Variants in ROBO1 observed in about 807,000 individuals in gnomAD.
ROBO1 encodes roundabout guidance receptor 1.
Under a neutral mutation model 195.9 loss-of-function variants are expected in ROBO1, and 149 were observed. That is an observed-to-expected ratio of 0.76 (90% confidence interval 0.67 to 0.87). The LOEUF is 0.87. ROBO1 is among the 40% of genes least tolerant of loss of function. The pLI, the probability that ROBO1 is intolerant of heterozygous loss-of-function variation, is 0.00. For synonymous variants in ROBO1, 816 were observed against 733.2 expected, an observed-to-expected ratio of 1.11 and a Z score of -1.82; for missense variants, 1,933 against 2,068.3, an observed-to-expected ratio of 0.93 and a Z score of 1.27.
chr3:79,341,189 G>T (rs2109224012), intron 2 of ROBO1, among the ~76,000 whole-genome samples: 1 of 152,258 alleles, frequency 6.6e-6, no homozygotes, highest in Middle Eastern at 3.4e-3. Context: ...TATGCTTATA[G>T]CATGTCATTC....
Position 79,318,691 on chromosome 3 carries a change from G to A in ROBO1, c.89-193152C>T, listed in dbSNP as rs368175653. Among the ~76,000 whole-genome samples the A allele has an allele frequency of 2.6e-4, 39 of 152,248 alleles. 1 individual carries two copies. The East Asian group carries it at 3.5e-3, about 14-fold the overall frequency. ...TATGTTTTTCAACCACAATAGCGAT[G>A]CATTTCATTGTTTTATCTAGGGTCA... On this transcript the variant is annotated intron_variant, in intron 2 of 30. Coordinates refer to ENST00000464233, the MANE Select transcript of ROBO1 (RefSeq NM_002941.4).
At chr3:78,878,238 T>A (rs2035967279) in intron 4 of ROBO1, among the ~76,000 whole-genome samples, 2 of 152,014 alleles carry the variant, frequency 1.3e-5, no homozygotes, top group Non-Finnish European at 2.9e-5. Flanking sequence ...AAAACTCCAA[T>A]GTCTAAATGC....
chr3:79,477,326 A>T (rs890676673), intron 2 of ROBO1, among the ~76,000 whole-genome samples: 1 of 152,182 alleles, frequency 6.6e-6, no homozygotes, highest in African/African-American at 2.4e-5. Flanking sequence ...ACTTAAAAGT[A>T]TCTAAACATC....
At chr3:78,653,223 GTTCCCTGCCTCCC>G (rs1215242044) in intron 18 of ROBO1, among the ~76,000 whole-genome samples, 1 of 152,004 alleles carries the variant, frequency 6.6e-6, no homozygotes, top group East Asian at 1.9e-4. Context: ...CCTCCCTCCA[GTTCCCTGCCTCCC>G]TCCAGTTCCT....
chr3:79,355,006 G>A (rs1175518835), intron 2 of ROBO1, among the ~76,000 whole-genome samples: 1 of 151,828 alleles, frequency 6.6e-6, no homozygotes, highest in East Asian at 1.9e-4. Flanking sequence ...CGTCTACTAA[G>A]GATACAAAAA....
intron 2 of ROBO1, among the ~76,000 whole-genome samples, chr3:79,352,241 CA>C (rs749468779): frequency 6.6e-6 from 1 of 152,122 alleles, no homozygotes; most frequent in Non-Finnish European, 1.5e-5. Context: ...AATGTCTTGG[CA>C]AATATATTTG....
intron 4 of ROBO1, among the ~76,000 whole-genome samples, chr3:78,809,893 C>A (rs545432478): frequency 1.3e-5 from 2 of 151,256 alleles, no homozygotes; most frequent in Non-Finnish European, 1.5e-5. Flanking sequence ...ATGTAGATGA[C>A]GGGTTGATGG....
At chr3:79,543,679 G>A (rs1942159052) in intron 2 of ROBO1, among the ~76,000 whole-genome samples, 1 of 151,958 alleles carries the variant, frequency 6.6e-6, no homozygotes, top group African/African-American at 2.4e-5. Flanking sequence ...CTCCAACAGA[G>A]GCAAGCCCTT....
chr3:79,019,417 T>G, intron 3 of ROBO1: 2 of 986,034 alleles, frequency 2.0e-6, no homozygotes, highest in Non-Finnish European at 2.4e-6. Context: ...ATCAGCGGCG[T>G]CTGAAGTTTC....
Position 79,054,691 on chromosome 3 carries a change from C to T in ROBO1, c.172+70765G>A, listed in dbSNP as rs181796406. On this transcript the variant is annotated intron_variant, in intron 3 of 30. Transcript: ENST00000464233. Reference sequence around the variant, plus strand: ...AGCGGCCAAGCTGGCTCAGCAAACACGGCCAAATGCTGCTGCTACTGTTTG... The same window carrying T: ...AGCGGCCAAGCTGGCTCAGCAAACATGGCCAAATGCTGCTGCTACTGTTTG... Among the ~76,000 whole-genome samples, 95 of 152,204 alleles carry T rather than the reference C, an allele frequency of 6.2e-4. 1 individual carries two copies. The highest frequency in any genetic ancestry group is 4.8e-3 in the East Asian group (25 of 5,156).
At chr3:79,736,088 T>C (rs1703373860) in intron 1 of ROBO1, among the ~76,000 whole-genome samples, 1 of 151,872 alleles carries the variant, frequency 6.6e-6, no homozygotes, top group Non-Finnish European at 1.5e-5. Context: ...CTTAGAAGAG[T>C]GAGGAACTCC....
intron 26 of ROBO1, among the ~76,000 whole-genome samples, chr3:78,624,867 G>T (rs908817354): frequency 6.6e-6 from 1 of 152,038 alleles, no homozygotes; most frequent in Non-Finnish European, 1.5e-5. Flanking sequence ...AAAGATGAGG[G>T]ATGCTTACCA....
At chr3:78,999,139 T>C (rs2077436515) in intron 3 of ROBO1, among the ~76,000 whole-genome samples, 1 of 151,932 alleles carries the variant, frequency 6.6e-6, no homozygotes, top group Non-Finnish European at 1.5e-5. Context: ...TTAGTGGAGA[T>C]ACCGTAAAAA....
At chr3:79,136,141 A>G (rs2108598815) in intron 2 of ROBO1, among the ~76,000 whole-genome samples, 1 of 152,302 alleles carries the variant, frequency 6.6e-6, no homozygotes, top group South Asian at 2.1e-4. Flanking sequence ...ATAGTAATTT[A>G]AATTGTTTAT....
chr3:79,268,332 G>A (rs17016855), intron 2 of ROBO1, among the ~76,000 whole-genome samples: 3,689 of 151,618 alleles, frequency 0.024, 98 homozygotes, highest in African/African-American at 0.066. Context: ...AGTTGGAAGT[G>A]TACTATAAAT....
intron 4 of ROBO1, among the ~76,000 whole-genome samples, chr3:78,812,905 T>A (rs1213110745): frequency 6.6e-6 from 1 of 152,136 alleles, no homozygotes; most frequent in Non-Finnish European, 1.5e-5. Context: ...ATTATTTACA[T>A]GGTAGAATTT....
At chr3:79,055,807 T>C (rs1212510749) in intron 3 of ROBO1, among the ~76,000 whole-genome samples, 2 of 152,080 alleles carry the variant, frequency 1.3e-5, no homozygotes, top group Non-Finnish European at 2.9e-5. Context: ...GCCGCTGCCA[T>C]GCCTCCTGAT....
chr3:79,298,181 A>C (rs1350863267), intron 2 of ROBO1, among the ~76,000 whole-genome samples: 6 of 152,070 alleles, frequency 3.9e-5, no homozygotes, highest in Non-Finnish European at 5.9e-5. Flanking sequence ...TTATGGTTAG[A>C]ATTCTCTTAG....
chr3:79,706,563 G>A (rs564713681), intron 1 of ROBO1, among the ~76,000 whole-genome samples: 13 of 152,164 alleles, frequency 8.5e-5, no homozygotes, highest in African/African-American at 2.4e-4. Flanking sequence ...TGTTGTGGGA[G>A]GGACCCGGTA....
Sources: gnomAD v4.1 joint callset for allele counts (sites outside exome capture counted in the v4.1 genomes callset) on GRCh38, gnomAD v4.1.1 for gene constraint, MANE v1.5 for transcripts, NCBI Gene and HGNC (gene_info 2026-07-23, HGNC 2026-07-21) for gene names.